RAP1GDS1: variants seen among roughly 807,000 people sequenced by gnomAD.
RAP1GDS1 encodes the protein Rap1 GTPase-GDP dissociation stimulator 1.
RAP1GDS1 carries 35 observed loss-of-function variants against 71.1 expected under a neutral mutation model. The observed-to-expected ratio is 0.49, with a 90% CI of 0.38 to 0.65. The LOEUF is 0.65. Among genes scored for constraint, RAP1GDS1 ranks in the 30% least tolerant of loss-of-function variants. The probability of loss-of-function intolerance (pLI) is 0.00; values close to 1 mark genes in which losing one functional copy is unlikely to be tolerated. For synonymous variants in RAP1GDS1, 229 were observed against 243.1 expected, an observed-to-expected ratio of 0.94 and a Z score of 0.54; for missense variants, 663 against 706.1, an observed-to-expected ratio of 0.94 and a Z score of 0.69.
chr4:98,304,656 C>A (rs116470941), intron 2 of RAP1GDS1, among the ~76,000 whole-genome samples: 2 of 151,904 alleles, frequency 1.3e-5, no homozygotes, highest in African/African-American at 4.8e-5. Flanking sequence ...CAGTTCACTC[C>A]GATGGTAGTT....
At chr4:98,286,713 C>T (rs914151099) in intron 1 of RAP1GDS1, among the ~76,000 whole-genome samples, 1 of 151,552 alleles carries the variant, frequency 6.6e-6, no homozygotes, top group Non-Finnish European at 1.5e-5. Context: ...GGTGAAACCC[C>T]GTGTCTACTA....
intron 1 of RAP1GDS1, among the ~76,000 whole-genome samples, chr4:98,274,518 AG>A (rs1339157225): frequency 6.6e-6 from 1 of 152,238 alleles, no homozygotes. Context: ...AGCTTTAAAT[AG>A]CTATGCTTTC....
chr4:98,293,410 A>T lies in RAP1GDS1; in HGVS notation c.7A>T (p.Asn3Tyr). The change falls in exon 2 of 15, where the codon AAT becomes TAT. Residue 3 changes from asparagine (N) to tyrosine (Y), a missense_variant and splice_region_variant. Transcript: ENST00000408927. MDNLSDTLKKLKI... is the reference protein window; with the variant it reads MDYLSDTLKKLKI... ...GATTTTTTTTTTTCTTTAAGCAGAT[A>T]ATCTCAGTGATACCTTGAAGAAGCT... 6.3e-7 allele frequency: 1 copy of T among 1,585,778 alleles called. No individual in the cohort carries two copies. Among genetic ancestry groups the T allele is most frequent in the African/African-American group, 1.4e-5 (1 of 73,260 alleles).
chr4:98,269,564 C>T (rs1723163598), intron 1 of RAP1GDS1, among the ~76,000 whole-genome samples: 3 of 152,016 alleles, frequency 2.0e-5, no homozygotes, highest in South Asian at 4.1e-4. Flanking sequence ...ATTTGCAAGC[C>T]GTATATCCGA....
At chr4:98,324,259 G>C (rs1228722716) in intron 2 of RAP1GDS1, among the ~76,000 whole-genome samples, 4 of 149,506 alleles carry the variant, frequency 2.7e-5, no homozygotes, top group Non-Finnish European at 5.9e-5. Context: ...CACTGCTCAA[G>C]GAAATAAAAG....
At chr4:98,268,738 A>G (rs540406133) in intron 1 of RAP1GDS1, among the ~76,000 whole-genome samples, 204 of 152,262 alleles carry the variant, frequency 1.3e-3, no homozygotes, top group African/African-American at 4.7e-3. Context: ...AAAATATAAA[A>G]TATTTAGGAA....
intron 2 of RAP1GDS1, among the ~76,000 whole-genome samples, chr4:98,294,386 A>G (rs1727418473): frequency 6.6e-6 from 1 of 152,126 alleles, no homozygotes; most frequent in African/African-American, 2.4e-5. Context: ...CCTTGATTAG[A>G]AAAATCTAAA....
chr4:98,402,423 A>C (rs1745558959), intron 6 of RAP1GDS1, among the ~76,000 whole-genome samples: 1 of 152,038 alleles, frequency 6.6e-6, no homozygotes, highest in Non-Finnish European at 1.5e-5. Context: ...ACATTTGCTG[A>C]ATGTGGTCTC....
chr4:98,417,691 T>C (rs999405020), intron 9 of RAP1GDS1, among the ~76,000 whole-genome samples, 193 bp downstream of exon 9: 3 of 152,224 alleles, frequency 2.0e-5, no homozygotes, highest in Admixed American at 6.5e-5. Flanking sequence ...GCAATTCAAC[T>C]AAATTCTAAT....
intron 6 of RAP1GDS1, chr4:98,396,447 G>T (rs950544890): frequency 1.3e-5 from 2 of 152,168 alleles, no homozygotes; most frequent in African/African-American, 4.8e-5. Flanking sequence ...GATACAAGTT[G>T]CTGTGCTAAG....
intron 14 of RAP1GDS1, among the ~76,000 whole-genome samples, chr4:98,437,651 G>A (rs989407590): frequency 1.3e-5 from 2 of 151,932 alleles, no homozygotes; most frequent in African/African-American, 4.8e-5. Context: ...AAATTAGCCG[G>A]GAGTGGTGGC....
chr4:98,349,920 A>G (rs1403498199), intron 3 of RAP1GDS1, among the ~76,000 whole-genome samples: 1 of 152,198 alleles, frequency 6.6e-6, no homozygotes, highest in Non-Finnish European at 1.5e-5. Context: ...TCTTTGTTTA[A>G]AAAAGTAAAT....
intron 7 of RAP1GDS1, among the ~76,000 whole-genome samples, chr4:98,414,789 CTG>C (rs1302087976): frequency 6.6e-6 from 1 of 152,054 alleles, no homozygotes; most frequent in Non-Finnish European, 1.5e-5. Flanking sequence ...GGCATTGAAT[CTG>C]TAAATTACCT....
chr4:98,343,294 A>C (rs1377097054), intron 3 of RAP1GDS1, 33 bp downstream of exon 3: 1 of 1,556,130 alleles, frequency 6.4e-7, no homozygotes, highest in South Asian at 1.1e-5. Context: ...TTCTGCTGGG[A>C]ACGTCTTCAG....
At chr4:98,291,289 T>C (rs1211020610) in intron 1 of RAP1GDS1, among the ~76,000 whole-genome samples, 1 of 152,164 alleles carries the variant, frequency 6.6e-6, no homozygotes, top group Non-Finnish European at 1.5e-5. Context: ...AGACCATATG[T>C]TGATATATAG....
Position 98,438,567 on chromosome 4 carries a change from C to CATATATATATATAT in RAP1GDS1, c.1696+1508_1696+1521dup, listed in dbSNP as rs36034058. On this transcript the variant is annotated intron_variant, in intron 14 of 14. Transcript: ENST00000408927. Reference sequence around the variant, plus strand: ...TTTTAATCATTTACATTTATTCTTCCATATATATATATATATATATATCTT... The same window carrying CATATATATATATAT: ...TTTTAATCATTTACATTTATTCTTCCATATATATATATATATATATATATATATATATATATCTT... Among the ~76,000 whole-genome samples the CATATATATATATAT allele has an allele frequency of 3.1e-3, 323 of 104,646 alleles. 3 individuals carry two copies. Among genetic ancestry groups the CATATATATATATAT allele is most frequent in the African/African-American group, 0.013 (314 of 23,560 alleles). 68.7% of individuals were successfully genotyped at this position (104,646 alleles called of 152,430 possible). A position where few individuals can be genotyped will look rare whatever the true frequency, so the allele number is the denominator to read the frequency against.
At chr4:98,385,231 A>G (rs1337788044) in intron 5 of RAP1GDS1, among the ~76,000 whole-genome samples, 2 of 151,682 alleles carry the variant, frequency 1.3e-5, no homozygotes, top group Non-Finnish European at 3.0e-5. Flanking sequence ...ATATAGGCAA[A>G]TTTTCTCTTT....
At chr4:98,271,355 A>G (rs1723429401) in intron 1 of RAP1GDS1, among the ~76,000 whole-genome samples, 1 of 152,278 alleles carries the variant, frequency 6.6e-6, no homozygotes, top group South Asian at 2.1e-4. Context: ...GGGTGCTGGT[A>G]AATGTTTAAC....
At chr4:98,288,705 CT>C (rs1334140303) in intron 1 of RAP1GDS1, among the ~76,000 whole-genome samples, 1 of 152,138 alleles carries the variant, frequency 6.6e-6, no homozygotes, top group Non-Finnish European at 1.5e-5. Flanking sequence ...TGTTTCCTGA[CT>C]TTTTAATGAT....
Sources: allele counts gnomAD v4.1 joint callset (sites outside exome capture counted in the v4.1 genomes callset), GRCh38; gene constraint gnomAD v4.1.1; transcripts MANE v1.5; gene names NCBI Gene and HGNC (gene_info 2026-07-23, HGNC 2026-07-21).